RAB31: variants seen among roughly 807,000 people sequenced by gnomAD.
RAB31 encodes the protein ras-related protein Rab-31.
In RAB31, 21 loss-of-function variants were observed where a neutral mutation model predicts 25.6. The ratio of observed to expected loss-of-function variants is 0.82; its 90% CI spans 0.58 to 1.18. The LOEUF (loss-of-function observed/expected upper bound fraction) is 1.18. Among genes scored for constraint, RAB31 ranks in the 50% most tolerant of loss-of-function variants. RAB31 has a pLI of 0.00. For missense variants in RAB31, 196 were observed against 250.1 expected (o/e 0.78, Z 1.46); for synonymous variants, 87 against 84.0 (o/e 1.04, Z -0.20).
chr18:9,775,730 G>A (rs1024922852), intron 2 of RAB31, among the ~76,000 whole-genome samples: 6 of 152,100 alleles, frequency 3.9e-5, no homozygotes, highest in African/African-American at 9.7e-5. Flanking sequence ...CCATCCACCC[G>A]TACCTCAGCA....
chr18:9,763,524 A>G (rs1287589688), intron 1 of RAB31, among the ~76,000 whole-genome samples: 1 of 151,606 alleles, frequency 6.6e-6, no homozygotes, highest in Non-Finnish European at 1.5e-5. Context: ...ATCATATATG[A>G]TACATCTGTA....
intron 5 of RAB31, among the ~76,000 whole-genome samples, chr18:9,830,117 C>T (rs2143106086): frequency 6.6e-6 from 1 of 152,136 alleles, no homozygotes; most frequent in East Asian, 1.9e-4. Flanking sequence ...CCTCCTGCCT[C>T]AGCCTCTCAA....
At chr18:9,823,675 CATTATATAT>C (rs2068634805) in intron 5 of RAB31, among the ~76,000 whole-genome samples, 1 of 152,102 alleles carries the variant, frequency 6.6e-6, no homozygotes, top group South Asian at 2.1e-4. Flanking sequence ...GATACATATG[CATTATATAT>C]ATTATATACA....
At chr18:9,721,130 C>CAT (rs1211688365) in intron 1 of RAB31, among the ~76,000 whole-genome samples, 3 of 152,030 alleles carry the variant, frequency 2.0e-5, no homozygotes, top group Non-Finnish European at 4.4e-5. Context: ...CCTGTCTATC[C>CAT]GTCTTAGGGT....
intron 1 of RAB31, among the ~76,000 whole-genome samples, chr18:9,762,404 T>C (rs1176696612): frequency 6.6e-6 from 1 of 152,208 alleles, no homozygotes; most frequent in East Asian, 1.9e-4. Context: ...GGTTATTCCA[T>C]ATGATCTGCG....
intron 1 of RAB31, among the ~76,000 whole-genome samples, chr18:9,719,286 A>T (rs1263522270): frequency 3.0e-5 from 2 of 66,760 alleles, no homozygotes; most frequent in East Asian, 4.0e-4. Flanking sequence ...AAAAAAAAAA[A>T]AAAAAAAAAA....
intron 1 of RAB31, among the ~76,000 whole-genome samples, chr18:9,724,292 A>AAAAAC (rs1568162622): frequency 1.5e-4 from 22 of 143,558 alleles, no homozygotes; most frequent in African/African-American, 5.7e-4. Flanking sequence ...AAAAAACAAA[A>AAAAAC]AAAAAACATT....
chr18:9,738,608 C>A (rs1166845238), intron 1 of RAB31, among the ~76,000 whole-genome samples: 1 of 152,188 alleles, frequency 6.6e-6, no homozygotes, highest in Non-Finnish European at 1.5e-5. Context: ...CACCCCTTCC[C>A]ACATGCCTTG....
intron 3 of RAB31, among the ~76,000 whole-genome samples, chr18:9,813,127 A>G (rs1375918792): frequency 1.3e-5 from 2 of 152,252 alleles, no homozygotes; most frequent in Non-Finnish European, 2.9e-5. Context: ...GCTAGTGACC[A>G]GCAGCACTTG....
At position 9,708,470 on chromosome 18, in the gene RAB31, C is replaced by A; in HGVS notation, c.39+26C>A. The A allele has an allele frequency of 1.9e-6, 3 of 1,544,986 alleles. No homozygotes were observed. The highest frequency in any genetic ancestry group is 2.6e-5 in the East Asian group (1 of 38,158). On this transcript the variant is annotated intron_variant, in intron 1 of 6. Coordinates refer to ENST00000578921, the MANE Select transcript of RAB31 (RefSeq NM_006868.4). The surrounding 1 kb of genome is among the most constrained non-coding windows in gnomAD (Gnocchi z 6.4). ...GTGAGTCCTGGCCGCCACCCGCCGG[C>A]GGACCCCGGCCCGCGCTCTCGCGCC... is the stretch of plus-strand genomic sequence containing the variant.
rs1461516621 is a variant in RAB31, at chr18:9,766,187, C to T, written c.40-9091C>T. On this transcript the variant is annotated intron_variant, in intron 1 of 6. Transcript: ENST00000578921. The surrounding 1 kb of genome is among the most constrained non-coding windows in gnomAD (Gnocchi z 4.3). ...AGGGGAGGAGTAGCCATCCAGTAAC[C>T]CTGGCCTGGATTGCTAAGGCCAGGG... 6.6e-6 allele frequency among the ~76,000 whole-genome samples: 1 copy of T among 152,112 alleles called. No individual in the cohort carries two copies. The highest frequency in any genetic ancestry group is 1.5e-5 in the Non-Finnish European group (1 of 68,020).
At chr18:9,847,067 A>G (rs1468172199) in intron 6 of RAB31, among the ~76,000 whole-genome samples, 2 of 152,120 alleles carry the variant, frequency 1.3e-5, no homozygotes, top group South Asian at 4.1e-4. Flanking sequence ...GGGAAACCCC[A>G]TGTCCCCACA....
chr18:9,821,076 T>C (rs1473954050), intron 5 of RAB31, among the ~76,000 whole-genome samples: 1 of 152,098 alleles, frequency 6.6e-6, no homozygotes, highest in African/African-American at 2.4e-5. Context: ...TGATATGTTG[T>C]TTTTAACTAA....
chr18:9,785,419 A>C (rs2068426677), intron 2 of RAB31, among the ~76,000 whole-genome samples: 1 of 152,184 alleles, frequency 6.6e-6, no homozygotes, highest in Admixed American at 6.5e-5. Context: ...AGATCTTATC[A>C]TGGTGGACAG....
chr18:9,718,108 G>A (rs2068053540), intron 1 of RAB31, among the ~76,000 whole-genome samples: 3 of 152,178 alleles, frequency 2.0e-5, no homozygotes, highest in South Asian at 2.1e-4. Context: ...CGTTGCCCAG[G>A]CTGGTCTTGA....
At position 9,859,251 on chromosome 18, in the gene RAB31, C is replaced by A; in HGVS notation, c.514C>A (p.Pro172Thr). The A allele has an allele frequency of 6.2e-7, 1 of 1,613,786 alleles. No homozygotes were observed. Among genetic ancestry groups the A allele is most frequent in the Non-Finnish European group, 8.5e-7 (1 of 1,179,734 alleles). Residue 172 changes from proline (P) to threonine (T), a missense_variant, in exon 7 of 7, where the codon CCC becomes ACC. Transcript: ENST00000578921. ...GISRQIPPLD[P>T]HENGNNGTIK... ...AGGCCGCCAGATCCCACCCTTGGACCCCCATGAAAATGGAAACAATGGAAC... is the reference window on the plus strand; with the variant it reads ...AGGCCGCCAGATCCCACCCTTGGACACCCATGAAAATGGAAACAATGGAAC...
intron 2 of RAB31, among the ~76,000 whole-genome samples, chr18:9,784,115 T>C (rs1196454844): frequency 6.6e-6 from 1 of 152,140 alleles, no homozygotes; most frequent in Non-Finnish European, 1.5e-5. Context: ...TGGCTCACTG[T>C]ACCCTTGACC....
At position 9,708,573 on chromosome 18, in the gene RAB31, C is replaced by A; in HGVS notation, c.39+129C>A. ...CGCACCCCTCTCGTAGCCCCCGTCCCCCTCGTCCGCGCGCCCCCTGGTTCC... is the reference window on the plus strand; with the variant it reads ...CGCACCCCTCTCGTAGCCCCCGTCCACCTCGTCCGCGCGCCCCCTGGTTCC... On this transcript the variant is annotated intron_variant, in intron 1 of 6. Transcript: ENST00000578921. The surrounding 1 kb of genome is among the most constrained non-coding windows in gnomAD (Gnocchi z 6.4). 1 of 825,596 alleles carries A rather than the reference C, an allele frequency of 1.2e-6. No individual in the cohort carries two copies. Among genetic ancestry groups the A allele is most frequent in the South Asian group, 2.4e-5 (1 of 41,400 alleles). The allele number at this position is 825,596 out of a possible 1,614,324, so 51.1% of individuals were successfully genotyped here.
intron 1 of RAB31, among the ~76,000 whole-genome samples, chr18:9,763,822 C>T (rs1157544457): frequency 4.6e-5 from 7 of 152,140 alleles, no homozygotes; most frequent in African/African-American, 1.7e-4. Flanking sequence ...TTATTTTGCT[C>T]ATCTTTGCTC....
Sources: allele counts gnomAD v4.1 joint callset (sites outside exome capture counted in the v4.1 genomes callset), GRCh38; gene constraint gnomAD v4.1.1; non-coding constraint Gnocchi (gnomAD v3.1); transcripts MANE v1.5; gene names NCBI Gene and HGNC (gene_info 2026-07-23, HGNC 2026-07-21).